Variants in PGM2 observed in about 807,000 individuals in gnomAD.
PGM2 encodes the protein phosphopentomutase.
PGM2 carries 57 observed loss-of-function variants against 74.6 expected under a neutral mutation model. That is an observed-to-expected ratio of 0.76 (90% confidence interval 0.62 to 0.95). The LOEUF (loss-of-function observed/expected upper bound fraction) is 0.95. Among genes scored for constraint, PGM2 ranks in the 40% least tolerant of loss-of-function variants. The pLI, the probability that PGM2 is intolerant of heterozygous loss-of-function variation, is 0.00. For missense variants in PGM2, 706 were observed against 741.9 expected, an observed-to-expected ratio of 0.95 and a Z score of 0.56; for synonymous variants, 273 against 260.7, an observed-to-expected ratio of 1.05 and a Z score of -0.46.
chr4:37,846,981 G>T lies in PGM2; in HGVS notation c.1058G>T (p.Trp353Leu). 1.9e-6 allele frequency: 3 copies of T among 1,613,806 alleles called. No individual in the cohort carries two copies. The East Asian group carries it at 6.7e-5, about 36-fold the overall frequency. The change falls in exon 9 of 14, where the codon TGG becomes TTG. Residue 353 changes from tryptophan (W) to leucine (L), a missense_variant. Transcript: ENST00000381967. Reference protein sequence around the residue: ...SGNELGALLGWWLFTSWKEKN... With the variant: ...SGNELGALLGLWLFTSWKEKN... ...AATGAGTTGGGGGCCCTCCTGGGCT[G>T]GTGGCTTTTTACATCTTGGAAAGAG...
intron 6 of PGM2, among the ~76,000 whole-genome samples, chr4:37,840,788 T>G (rs1050973342): frequency 3.9e-4 from 60 of 152,168 alleles, no homozygotes; most frequent in Admixed American, 3.8e-3. Flanking sequence ...AGACTCTTTC[T>G]CAGCTACTCA....
At chr4:37,837,487 C>G (rs781293465) in intron 3 of PGM2, 42 bp from the exon 4 acceptor site, 1 of 1,142,102 alleles carries the variant, frequency 8.8e-7, no homozygotes, top group Admixed American at 1.7e-5. Flanking sequence ...CAGTCCTGAT[C>G]ACTCAACTCT....
At position 37,846,378 on chromosome 4, in the gene PGM2, G is replaced by A. The variant is rs535377943; in HGVS notation, c.1008-553G>A. On this transcript the variant is annotated intron_variant, in intron 8 of 13. Transcript: ENST00000381967. ...AGGTTCCATTCTATATCAGTGTTGA[G>A]AAAGTTAAGCTAAGATGATACGTCC... Among the ~76,000 whole-genome samples the A allele has an allele frequency of 2.6e-5, 4 of 152,320 alleles. No homozygotes were observed. The East Asian group carries it at 7.7e-4, about 29-fold the overall frequency.
chr4:37,832,391 C>G (rs1367397497), intron 2 of PGM2, among the ~76,000 whole-genome samples: 2 of 152,212 alleles, frequency 1.3e-5, no homozygotes, highest in Non-Finnish European at 2.9e-5. Context: ...ATATTTGTCA[C>G]TTTTCACTGA....
chr4:37,829,333 A>G (rs1226281924), intron 1 of PGM2, among the ~76,000 whole-genome samples: 1 of 152,198 alleles, frequency 6.6e-6, no homozygotes, highest in African/African-American at 2.4e-5. Flanking sequence ...CCCCATCTAT[A>G]AAATTGGGTT....
intron 12 of PGM2, among the ~76,000 whole-genome samples, chr4:37,853,327 A>T (rs1213679783): frequency 6.8e-6 from 1 of 147,406 alleles, no homozygotes; most frequent in Non-Finnish European, 1.5e-5. Context: ...TAGTAGAGAC[A>T]GGATCTTGCT....
intron 6 of PGM2, among the ~76,000 whole-genome samples, chr4:37,842,171 A>G (rs1185836406): frequency 6.7e-6 from 1 of 148,552 alleles, no homozygotes; most frequent in Non-Finnish European, 1.5e-5. Context: ...ATACATATAT[A>G]CATATTATAT....
Position 37,844,344 on chromosome 4 carries a change from C to T in PGM2, c.720-20C>T, listed in dbSNP as rs372520481. The T allele has an allele frequency of 4.6e-6, 7 of 1,534,086 alleles. No individual in the cohort carries two copies. The highest frequency in any genetic ancestry group is 2.3e-5 in the East Asian group (1 of 43,444). On this transcript the variant is annotated intron_variant, in intron 6 of 13. Transcript: ENST00000381967. ...CCTGTTTCTGCCTTGTATCATTTTC[C>T]ACTGTGTATCTGATTCTAGGAGCGT...
In PGM2 at chr4:37,826,718, A is replaced by T; in HGVS notation, c.-15A>T. 4 of 1,546,458 alleles carry T rather than the reference A, an allele frequency of 2.6e-6. No homozygotes were observed. The highest frequency in any genetic ancestry group is 3.5e-6 in the Non-Finnish European group (4 of 1,143,062). Reference sequence around the variant, plus strand: ...ACCGCCTGCTTCCCTCTGCAGCGGTAGCACAAGCTCAGCGATGGCGGCTCC... The same window carrying T: ...ACCGCCTGCTTCCCTCTGCAGCGGTTGCACAAGCTCAGCGATGGCGGCTCC... On this transcript the variant is annotated 5_prime_UTR_variant, in exon 1 of 14. Transcript: ENST00000381967.
At chr4:37,839,652 C>G in intron 4 of PGM2, 196 bp from the exon 5 acceptor site, 1 of 685,108 alleles carries the variant, frequency 1.5e-6, no homozygotes, top group Non-Finnish European at 2.7e-6. Context: ...GAAATACATC[C>G]TGGAATTATG....
At chr4:37,851,970 C>CTT (rs1553886914) in intron 12 of PGM2, among the ~76,000 whole-genome samples, 2 of 135,056 alleles carry the variant, frequency 1.5e-5, no homozygotes, top group East Asian at 4.2e-4. Context: ...TGTTTGTTTT[C>CTT]TTTTTTTTTG....
chr4:37,837,553 A>G lies in PGM2; in HGVS notation c.381A>G (p.Thr127=), dbSNP rs750488971. Residue 127 remains threonine (T), a synonymous_variant, in exon 4 of 14, where the codon ACA becomes ACG. Coordinates refer to ENST00000381967, the MANE Select transcript of PGM2 (RefSeq NM_018290.4). ...GGTTTGCCCGACTTGCTGCAACCACATTTATCAGTCAGGGGATTCCTGTGT... is the reference window on the plus strand; with the variant it reads ...GGTTTGCCCGACTTGCTGCAACCACGTTTATCAGTCAGGGGATTCCTGTGT... ...SRRFARLAAT[T]FISQGIPVYL... 1.9e-6 allele frequency: 3 copies of G among 1,613,236 alleles called. No homozygotes were observed. In the African/African-American group the frequency reaches 4.0e-5, roughly 22 times the overall value.
At chr4:37,853,401 C>G (rs1002892195) in intron 12 of PGM2, among the ~76,000 whole-genome samples, 1 of 147,184 alleles carries the variant, frequency 6.8e-6, no homozygotes, top group Non-Finnish European at 1.5e-5. Flanking sequence ...CAATATCTTA[C>G]CTCTCTAAGG....
chr4:37,841,860 G>A (rs1458902224), intron 6 of PGM2, among the ~76,000 whole-genome samples: 1 of 152,248 alleles, frequency 6.6e-6, no homozygotes, highest in Admixed American at 6.5e-5. Flanking sequence ...ACGTGCATGT[G>A]TGTGCGCATG....
chr4:37,827,411 T>C (rs975124034), intron 1 of PGM2, among the ~76,000 whole-genome samples: 1 of 152,096 alleles, frequency 6.6e-6, no homozygotes. Context: ...TCATTCCGTT[T>C]CTTAGAATCA....
chr4:37,855,815 G>T, intron 13 of PGM2, 74 bp downstream of exon 13: 1 of 1,245,086 alleles, frequency 8.0e-7, no homozygotes, highest in Non-Finnish European at 1.1e-6. Flanking sequence ...AATGCCAAGT[G>T]AAATGTTCCA....
intron 1 of PGM2, among the ~76,000 whole-genome samples, chr4:37,828,491 C>T (rs950545104): frequency 2.6e-5 from 4 of 152,106 alleles, no homozygotes; most frequent in Admixed American, 2.6e-4. Flanking sequence ...GTCAGACTAC[C>T]CCCGGCGACT....
intron 11 of PGM2, among the ~76,000 whole-genome samples, chr4:37,849,355 G>A (rs1421671347): frequency 1.3e-5 from 2 of 151,530 alleles, no homozygotes; most frequent in Non-Finnish European, 1.5e-5. Context: ...AAATGCAGGC[G>A]GAAGACCAGG....
chr4:37,850,063 C>A, intron 11 of PGM2, 121 bp from the exon 12 acceptor site: 1 of 589,488 alleles, frequency 1.7e-6, no homozygotes, highest in Non-Finnish European at 2.9e-6. Context: ...GCTGGGATTA[C>A]AGGCGTGACC....
Sources: allele counts gnomAD v4.1 joint callset (sites outside exome capture counted in the v4.1 genomes callset), GRCh38; gene constraint gnomAD v4.1.1; transcripts MANE v1.5; gene names NCBI Gene and HGNC (gene_info 2026-07-23, HGNC 2026-07-21).